Variants in KLF12 observed in about 807,000 individuals in gnomAD.
The protein encoded by KLF12 is KLF transcription factor 12.
KLF12 carries 9 observed loss-of-function variants against 37.8 expected under a neutral mutation model. The ratio of observed to expected loss-of-function variants is 0.24; its 90% CI spans 0.14 to 0.42. KLF12 has a LOEUF of 0.42. KLF12 is among the 10% of genes least tolerant of loss of function. KLF12 has a pLI of 1.00. For missense variants in KLF12, 411 were observed against 516.0 expected, an observed-to-expected ratio of 0.80 and a Z score of 1.97; for synonymous variants, 208 against 202.1, an observed-to-expected ratio of 1.03 and a Z score of -0.25.
intron 1 of KLF12, among the ~76,000 whole-genome samples, chr13:74,052,966 T>G (rs1350897556): frequency 6.6e-6 from 1 of 152,162 alleles, no homozygotes; most frequent in African/African-American, 2.4e-5. Context: ...TACCATATGC[T>G]CTATCCACCA....
At chr13:74,229,042 T>C in the KLF12 span, among the ~76,000 whole-genome samples, 1 of 152,174 alleles carries the variant, frequency 6.6e-6, no homozygotes, top group South Asian at 2.1e-4. Flanking sequence ...TATTAATTTA[T>C]ATGCTGAAAC....
At chr13:74,096,620 T>C (rs1876001685) in intron 1 of KLF12, among the ~76,000 whole-genome samples, 1 of 152,228 alleles carries the variant, frequency 6.6e-6, no homozygotes, top group South Asian at 2.1e-4. Flanking sequence ...CATGTTTCTG[T>C]TTCCTAGGAA....
At chr13:74,017,074 T>G (rs1278945849) in intron 1 of KLF12, among the ~76,000 whole-genome samples, 2 of 152,124 alleles carry the variant, frequency 1.3e-5, no homozygotes, top group South Asian at 4.2e-4. Context: ...AGCACAGTAG[T>G]TGACACTTGT....
At chr13:74,128,935 TATAG>T (rs1332861809) in intron 1 of KLF12, among the ~76,000 whole-genome samples, 1 of 152,068 alleles carries the variant, frequency 6.6e-6, no homozygotes, top group Non-Finnish European at 1.5e-5. Flanking sequence ...TATGTACTAA[TATAG>T]ATATAGACTA....
intron 1 of KLF12, among the ~76,000 whole-genome samples, chr13:74,042,015 G>T (rs1893417833): frequency 6.6e-6 from 1 of 152,054 alleles, no homozygotes; most frequent in African/African-American, 2.4e-5. Flanking sequence ...ATGAAGAAGG[G>T]GTTATCGGCT....
intron 5 of KLF12, among the ~76,000 whole-genome samples, chr13:73,775,605 T>C (rs923280089): frequency 6.6e-6 from 1 of 152,244 alleles, no homozygotes; most frequent in South Asian, 2.1e-4. Context: ...CTTTATTACA[T>C]GAACTGAACT....
chr13:74,204,065 C>T, the KLF12 span, among the ~76,000 whole-genome samples: 13 of 152,222 alleles, frequency 8.5e-5, no homozygotes, highest in East Asian at 1.7e-3. Flanking sequence ...GCAGTGCCTT[C>T]CTCTCTTCCA....
intron 4 of KLF12, among the ~76,000 whole-genome samples, chr13:73,843,433 C>G (rs1373626626): frequency 1.3e-5 from 2 of 151,868 alleles, no homozygotes; most frequent in African/African-American, 4.8e-5. Flanking sequence ...TCAGCCTCCT[C>G]AGTAGCTGGG....
chr13:74,193,037 G>GGT, the KLF12 span, among the ~76,000 whole-genome samples: 2 of 149,074 alleles, frequency 1.3e-5, no homozygotes, highest in Non-Finnish European at 3.0e-5. Context: ...GGAGTGCAGT[G>GGT]GTGTGATCTC....
At position 73,826,763 on chromosome 13, in the gene KLF12, T is replaced by TACAC. The variant is rs59262711; in HGVS notation, c.671-13480_671-13477dup. ...AAATGGCATATAACAATATCATATC[T>TACAC]ACACACACACACACACACACACATA... On this transcript the variant is annotated intron_variant, in intron 4 of 7. Coordinates refer to ENST00000377669, the MANE Select transcript of KLF12 (RefSeq NM_007249.5). 2.0e-3 allele frequency among the ~76,000 whole-genome samples: 300 copies of TACAC among 149,420 alleles called. 3 individuals carry two copies. Among genetic ancestry groups the TACAC allele is most frequent in the African/African-American group, 5.6e-3 (228 of 40,680 alleles).
intron 1 of KLF12, among the ~76,000 whole-genome samples, chr13:74,019,345 T>C (rs1306374256): frequency 6.6e-6 from 1 of 152,184 alleles, no homozygotes; most frequent in Non-Finnish European, 1.5e-5. Flanking sequence ...ATATGAAAAC[T>C]TCAAACTGAA....
chr13:73,847,302 G>A (rs944269914), intron 3 of KLF12, among the ~76,000 whole-genome samples: 2 of 151,952 alleles, frequency 1.3e-5, no homozygotes, highest in Non-Finnish European at 2.9e-5. Flanking sequence ...TGTTTGGCCA[G>A]GTTAACATAG....
chr13:73,835,723 G>C (rs985308099), intron 4 of KLF12, among the ~76,000 whole-genome samples: 2 of 152,102 alleles, frequency 1.3e-5, no homozygotes, highest in Non-Finnish European at 2.9e-5. Context: ...CCTGCCCGCA[G>C]TACCACATTT....
intron 3 of KLF12, among the ~76,000 whole-genome samples, chr13:73,876,741 G>A (rs1401418778): frequency 6.6e-5 from 10 of 151,902 alleles, no homozygotes; most frequent in Non-Finnish European, 1.3e-4. Context: ...GTGGCTGGGC[G>A]CGGTGGCTTA....
chr13:73,952,134 T>C (rs1385645452), intron 2 of KLF12, among the ~76,000 whole-genome samples: 1 of 152,114 alleles, frequency 6.6e-6, no homozygotes. Flanking sequence ...GAGAAGTAAC[T>C]AGAGAAAAGA....
At chr13:73,967,694 C>T (rs984818015) in intron 2 of KLF12, among the ~76,000 whole-genome samples, 2 of 152,076 alleles carry the variant, frequency 1.3e-5, no homozygotes, top group East Asian at 1.9e-4. Context: ...TCACGAGTTT[C>T]GTTTTCTGGA....
chr13:74,267,354 A>T, the KLF12 span, among the ~76,000 whole-genome samples: 6 of 152,260 alleles, frequency 3.9e-5, no homozygotes, highest in Non-Finnish European at 8.8e-5. Context: ...CTAAGTGTCC[A>T]TCAACTGATG....
chr13:74,116,729 T>C (rs1216753326), intron 1 of KLF12, among the ~76,000 whole-genome samples: 1 of 152,186 alleles, frequency 6.6e-6, no homozygotes, highest in Admixed American at 6.6e-5. Context: ...TAATTAGGCC[T>C]GAAATAATTG....
chr13:74,072,403 A>ATATATATG (rs1273516363), intron 1 of KLF12, among the ~76,000 whole-genome samples: 1 of 133,230 alleles, frequency 7.5e-6, no homozygotes, highest in Admixed American at 7.4e-5. Context: ...ATATATATAT[A>ATATATATG]TATAAAAGAT....
Sources: allele counts gnomAD v4.1 joint callset (sites outside exome capture counted in the v4.1 genomes callset), GRCh38; gene constraint gnomAD v4.1.1; transcripts MANE v1.5; gene names NCBI Gene and HGNC (gene_info 2026-07-23, HGNC 2026-07-21).